Variants in OR1L8 observed in about 807,000 individuals in gnomAD.
The protein encoded by OR1L8 is olfactory receptor family 1 subfamily L member 8.
For missense variants in OR1L8, 330 were observed against 377.4 expected (o/e 0.87, Z 1.04); for synonymous variants, 148 against 147.0 (o/e 1.01, Z -0.05).
chr9:122,571,378 T>C (rs1023519298), intron 4 of OR1L8, among the ~76,000 whole-genome samples: 24 of 151,926 alleles, frequency 1.6e-4, no homozygotes, highest in Non-Finnish European at 3.2e-4. Flanking sequence ...GGTTAAATCC[T>C]GTCTCTACTA....
chr9:122,579,615 GATATTAGTTGTGATGTTTAC>G (rs1210692417), intron 1 of OR1L8, among the ~76,000 whole-genome samples: 1 of 152,112 alleles, frequency 6.6e-6, no homozygotes, highest in Non-Finnish European at 1.5e-5. Flanking sequence ...TTTTTAATTA[GATATTAGTTGTGATGTTTAC>G]ATTTGAGACT....
chr9:122,567,684 G>A lies in OR1L8; in HGVS notation c.794C>T (p.Ser265Phe), dbSNP rs1829454711. ...CACGTGGTCCTTGACAGCGTAGGTG[G>A]ATGGGGGCTGTAAATAGACACAGAA... is the stretch of plus-strand genomic sequence containing the variant. The part of the protein sequence containing the change: ...SIFCVYLQPP[S>F]TYAVKDHVAT... The change falls in exon 5 of 5, where the codon TCC becomes TTC. Residue 265 changes from serine (S) to phenylalanine (F), a missense_variant. By Grantham distance (155) the Ser-to-Phe change is radical. Transcript: ENST00000641027. The A allele has an allele frequency of 6.2e-7, 1 of 1,614,000 alleles. No individual in the cohort carries two copies. Among genetic ancestry groups the A allele is most frequent in the African/African-American group, 1.3e-5 (1 of 74,906 alleles).
chr9:122,567,563 C>T lies in OR1L8; in HGVS notation c.915G>A (p.Met305Ile). The change falls in exon 5 of 5, where the codon ATG (methionine) becomes ATA (isoleucine). Residue 305 changes from methionine (M) to isoleucine (I), a missense_variant. By Grantham distance (10) the Met-to-Ile change is conservative. Coordinates refer to ENST00000641027, the MANE Select transcript of OR1L8 (RefSeq NM_001004454.2). The part of the protein sequence containing the change: ...KDLKQGLRKL[M>I]SKRS ...AGGGTGCTTCCTAGGATCTCTTGCT[C>T]ATAAGCTTCCTCAGGCCCTGTTTCA... 2.5e-6 allele frequency: 4 copies of T among 1,583,896 alleles called. No individual in the cohort carries two copies. The highest frequency in any genetic ancestry group is 1.2e-5 in the South Asian group (1 of 84,954).
At chr9:122,583,007 G>C (rs1217067384) in intron 1 of OR1L8, among the ~76,000 whole-genome samples, 1 of 150,022 alleles carries the variant, frequency 6.7e-6, no homozygotes, top group East Asian at 1.9e-4. Flanking sequence ...ATAAGGAAAT[G>C]GGATTATTTT....
downstream of OR1L8, among the ~76,000 whole-genome samples, chr9:122,563,576 GTTGA>G (rs1411949646): frequency 6.6e-6 from 1 of 152,192 alleles, no homozygotes; most frequent in Non-Finnish European, 1.5e-5. Context: ...TCTTTGCTCT[GTTGA>G]TTGTTTCCTC....
At chr9:122,573,316 CT>C (rs1829585903) in intron 3 of OR1L8, among the ~76,000 whole-genome samples, 1 of 152,254 alleles carries the variant, frequency 6.6e-6, no homozygotes, top group Non-Finnish European at 1.5e-5. Flanking sequence ...CTCAGAGCTT[CT>C]TAACTTCACT....
At chr9:122,576,584 A>G (rs1829661140) in intron 3 of OR1L8, among the ~76,000 whole-genome samples, 182 bp downstream of exon 3, 1 of 151,958 alleles carries the variant, frequency 6.6e-6, no homozygotes, top group Non-Finnish European at 1.5e-5. Context: ...TTGTTTCCAT[A>G]TCTTGGCTAT....
the OR1L8 span, among the ~76,000 whole-genome samples, chr9:122,559,031 A>G: frequency 1.3e-5 from 2 of 152,056 alleles, no homozygotes; most frequent in African/African-American, 4.8e-5. Flanking sequence ...TCATCTCAAC[A>G]TCTGTCATTT....
In OR1L8 at chr9:122,568,100, G is replaced by T; in HGVS notation, c.378C>A (p.Ala126=). The change falls in exon 5 of 5, where the codon GCC becomes GCA. Residue 126 remains alanine, a synonymous_variant. Transcript: ENST00000641027. ...TGACATAGTGGAAAGGGTCACAGAC[G>T]GCCACATAGCGGTCAAAGGCCATGA... The part of the protein sequence containing the change: ...LAVMAFDRYV[A]VCDPFHYVTT... 2 of 1,613,982 alleles carry T rather than the reference G, an allele frequency of 1.2e-6. No individual in the cohort carries two copies. The highest frequency in any genetic ancestry group is 1.7e-6 in the Non-Finnish European group (2 of 1,179,974).
the OR1L8 span, among the ~76,000 whole-genome samples, chr9:122,556,838 G>T: frequency 6.6e-6 from 1 of 152,092 alleles, no homozygotes; most frequent in Admixed American, 6.5e-5. Context: ...TAATCAAGTT[G>T]GGAAGAATGA....
At chr9:122,558,788 A>T in the OR1L8 span, among the ~76,000 whole-genome samples, 1 of 151,436 alleles carries the variant, frequency 6.6e-6, no homozygotes, top group African/African-American at 2.4e-5. Context: ...TTGATATTCC[A>T]TTTCCTTTTT....
At chr9:122,554,511 G>A in the OR1L8 span, among the ~76,000 whole-genome samples, 1 of 152,204 alleles carries the variant, frequency 6.6e-6, no homozygotes, top group Non-Finnish European at 1.5e-5. Flanking sequence ...ATGGGATGAG[G>A]TGAAGGAAGG....
chr9:122,572,424 T>C (rs1829569833), intron 4 of OR1L8, among the ~76,000 whole-genome samples: 1 of 152,170 alleles, frequency 6.6e-6, no homozygotes, highest in Non-Finnish European at 1.5e-5. Context: ...GTTTGGATGC[T>C]CCAGACTGTA....
At chr9:122,553,079 A>G in the OR1L8 span, 1 of 851,452 alleles carries the variant, frequency 1.2e-6, no homozygotes, top group South Asian at 1.8e-5. Flanking sequence ...ATTGGCAAAG[A>G]CCATTTATTT....
At chr9:122,557,523 T>A in the OR1L8 span, among the ~76,000 whole-genome samples, 3,303 of 152,164 alleles carry the variant, frequency 0.022, 114 homozygotes, top group African/African-American at 0.075. Flanking sequence ...GATTTTTAAG[T>A]GTTAGAGTAG....
At chr9:122,549,003 T>C in the OR1L8 span, among the ~76,000 whole-genome samples, 1 of 152,140 alleles carries the variant, frequency 6.6e-6, no homozygotes, top group Admixed American at 6.6e-5. Flanking sequence ...TCTGTCTTTG[T>C]TGCCTGTGCT....
chr9:122,581,142 C>T (rs986341921), intron 1 of OR1L8, among the ~76,000 whole-genome samples: 32 of 151,682 alleles, frequency 2.1e-4, no homozygotes, highest in African/African-American at 7.8e-4. Flanking sequence ...TTGAGGTAGG[C>T]AGATCACGAG....
At chr9:122,559,269 T>G in the OR1L8 span, among the ~76,000 whole-genome samples, 88 of 152,234 alleles carry the variant, frequency 5.8e-4, 1 homozygote, top group Middle Eastern at 6.8e-3. Context: ...ATCAACTTTT[T>G]TTGTTGTTGT....
At chr9:122,565,132 CAA>C (rs1176300077), downstream of OR1L8, among the ~76,000 whole-genome samples, 1 of 152,124 alleles carries the variant, frequency 6.6e-6, no homozygotes, top group African/African-American at 2.4e-5. Flanking sequence ...CTCTTACACC[CAA>C]GAGAGAGGCA....
Sources: allele counts gnomAD v4.1 joint callset (sites outside exome capture counted in the v4.1 genomes callset), GRCh38; gene constraint gnomAD v4.1.1; transcripts MANE v1.5; gene names NCBI Gene and HGNC (gene_info 2026-07-23, HGNC 2026-07-21).